The following MYO18A variants were observed in gnomAD, a reference collection of about 807,000 sequenced individuals.
MYO18A encodes myosin XVIIIA.
In MYO18A, 78 loss-of-function variants were observed where a neutral mutation model predicts 235.8. The observed-to-expected ratio is 0.33, with a 90% confidence interval of 0.28 to 0.40. The LOEUF is 0.40. Among genes scored for constraint, MYO18A ranks in the 10% least tolerant of loss-of-function variants. MYO18A has a pLI of 1.00. For synonymous variants in MYO18A, 977 were observed against 1,077.8 expected (o/e 0.91, Z 1.83); for missense variants, 2,215 against 2,699.3 (o/e 0.82, Z 3.98).
At position 29,158,397 on chromosome 17, in the gene MYO18A, C is replaced by T. The variant is rs1441738087; in HGVS notation, c.999+7545G>A. ...AAAATAAGCTTTGCTAACACTGTCC[C>T]CTGTATTTAACAGAACAGAAGCTGC... On this transcript the variant is annotated intron_variant, in intron 2 of 41. Transcript: ENST00000527372. This position sits in a 1 kb window ranked among gnomAD's most constrained non-coding sequence, Gnocchi z 4.3. 6.6e-6 allele frequency among the ~76,000 whole-genome samples: 1 copy of T among 152,204 alleles called. No homozygotes were observed. Among genetic ancestry groups the T allele is most frequent in the Non-Finnish European group, 1.5e-5 (1 of 68,044 alleles).
At chr17:29,105,734 G>A (rs1405064410) in intron 20 of MYO18A, among the ~76,000 whole-genome samples, 1 of 152,208 alleles carries the variant, frequency 6.6e-6, no homozygotes, top group African/African-American at 2.4e-5. Context: ...ATAGCAGACA[G>A]GAAGCCTGGA....
At chr17:29,145,344 C>G (rs1012041336) in intron 2 of MYO18A, among the ~76,000 whole-genome samples, 7 of 152,232 alleles carry the variant, frequency 4.6e-5, no homozygotes, top group African/African-American at 7.2e-5. Context: ...TTCAACTGCT[C>G]TGCTCTCCCA....
At chr17:29,153,646 G>A (rs1356754141) in intron 2 of MYO18A, among the ~76,000 whole-genome samples, 1 of 152,026 alleles carries the variant, frequency 6.6e-6, no homozygotes, top group Admixed American at 6.5e-5. Context: ...CTCACCTGTG[G>A]GTCCTTGCCT....
chr17:29,082,493 A>G, intron 40 of MYO18A, 55 bp from the exon 41 acceptor site: 1 of 1,570,446 alleles, frequency 6.4e-7, no homozygotes. Context: ...GCTGCCCACG[A>G]GGGGAGCAGA....
At chr17:29,161,000 T>C (rs2068160048) in intron 2 of MYO18A, among the ~76,000 whole-genome samples, 1 of 151,958 alleles carries the variant, frequency 6.6e-6, no homozygotes, top group South Asian at 2.1e-4. Context: ...GGTAGATAGC[T>C]TGAGCTCAGG....
chr17:29,158,164 C>T lies in MYO18A; in HGVS notation c.999+7778G>A, dbSNP rs1230517466. ...TGTCTACACTATGCACCATACTGAG[C>T]GCCACAGATAACACCCGGCGAACAC... On this transcript the variant is annotated intron_variant, in intron 2 of 41. Transcript: ENST00000527372. This position sits in a 1 kb window ranked among gnomAD's most constrained non-coding sequence, Gnocchi z 4.3. Among the ~76,000 whole-genome samples, 2 of 152,126 alleles carry T rather than the reference C, an allele frequency of 1.3e-5. No individual in the cohort carries two copies. The highest frequency in any genetic ancestry group is 2.9e-5 in the Non-Finnish European group (2 of 68,022).
chr17:29,107,961 C>T (rs921362132), intron 19 of MYO18A, among the ~76,000 whole-genome samples: 3 of 151,240 alleles, frequency 2.0e-5, no homozygotes, highest in Non-Finnish European at 4.4e-5. Flanking sequence ...TGAGAGGAAT[C>T]GCGCATTGGC....
intron 20 of MYO18A, among the ~76,000 whole-genome samples, chr17:29,104,324 C>T (rs1261246640): frequency 6.6e-6 from 1 of 152,146 alleles, no homozygotes; most frequent in Non-Finnish European, 1.5e-5. Context: ...GGAGAACACG[C>T]AGCAGGTGTT....
In MYO18A at chr17:29,121,956, G is replaced by A; in HGVS notation, c.1089C>T (p.Ala363=). The A allele has an allele frequency of 6.2e-7, 1 of 1,613,748 alleles. No homozygotes were observed. The highest frequency in any genetic ancestry group is 8.5e-7 in the Non-Finnish European group (1 of 1,179,806). The change falls in exon 4 of 42, where the codon GCC becomes GCT. Residue 363 remains alanine (A), a splice_region_variant and synonymous_variant. Coordinates refer to ENST00000527372, the MANE Select transcript of MYO18A (RefSeq NM_078471.4). The surrounding 1 kb of genome is among the most constrained non-coding windows in gnomAD (Gnocchi z 4.2). ...WLVHRDGFSL[A]SQLKSEELNL... The stretch of plus-strand genomic sequence containing the variant: ...TGAGCTCCTCAGATTTGAGTTGACT[G>A]GCTGCAGGGGAGGGACAGACAGCTG...
In MYO18A at chr17:29,176,055, C is replaced by T. The variant is rs551783861; in HGVS notation, c.-82+4258G>A. The stretch of plus-strand genomic sequence containing the variant: ...CCTGGGTGACAGAGCGAGACTCCTT[C>T]TCAAAAAAAACAGCAGTCTGGAAAA... On this transcript the variant is annotated intron_variant, in intron 1 of 41. Coordinates refer to ENST00000527372, the MANE Select transcript of MYO18A (RefSeq NM_078471.4). Among the ~76,000 whole-genome samples, 3 of 152,108 alleles carry T rather than the reference C, an allele frequency of 2.0e-5. 1 individual carries two copies. The South Asian group carries it at 6.2e-4, about 32-fold the overall frequency.
chr17:29,145,474 GTTCACTTA>G (rs1298651400), intron 2 of MYO18A, among the ~76,000 whole-genome samples: 1 of 152,180 alleles, frequency 6.6e-6, no homozygotes, highest in East Asian at 1.9e-4. Flanking sequence ...GGAGGAAGTC[GTTCACTTA>G]TTCAACTAGC....
Position 29,074,308 on chromosome 17 carries a change from G to T in MYO18A, c.*462C>A. ...ATTTAAATTAAAAAGTAGAAAGACAGCAGGCACCAAGAAGAGAGAGCCCCC... is the reference window on the plus strand; with the variant it reads ...ATTTAAATTAAAAAGTAGAAAGACATCAGGCACCAAGAAGAGAGAGCCCCC... On this transcript the variant is annotated 3_prime_UTR_variant, in exon 42 of 42. Transcript: ENST00000527372. This position sits in a 1 kb window ranked among gnomAD's most constrained non-coding sequence, Gnocchi z 4.4. The T allele has an allele frequency of 9.7e-7, 1 of 1,035,654 alleles. No homozygotes were observed. The highest frequency in any genetic ancestry group is 1.4e-6 in the Non-Finnish European group (1 of 721,396). The allele number at this position is 1,035,654 out of a possible 1,614,324, so 64.2% of individuals were successfully genotyped here. A position where few individuals can be genotyped will look rare whatever the true frequency, so the allele number is the denominator to read the frequency against.
rs185972688 is a variant in MYO18A, at chr17:29,099,781, G to C, written c.3508-19C>G. 2.0e-4 allele frequency: 318 copies of C among 1,608,894 alleles called. 1 individual carries two copies. In the African/African-American group the frequency reaches 3.7e-3, roughly 19 times the overall value. ...AGAACACCTGTGAAAAAGCAGGCCA[G>C]GTGAAGGCAGGATACTGGGCCAGCC... On this transcript the variant is annotated intron_variant, in intron 21 of 41. Coordinates refer to ENST00000527372, the MANE Select transcript of MYO18A (RefSeq NM_078471.4).
chr17:29,082,552 C>T (rs1348890570), intron 40 of MYO18A, 114 bp from the exon 41 acceptor site: 24 of 1,093,338 alleles, frequency 2.2e-5, no homozygotes, highest in Middle Eastern at 2.9e-4. Flanking sequence ...GCAGCATGCA[C>T]GTCGGTGAGT....
intron 15 of MYO18A, 63 bp downstream of exon 15, chr17:29,113,948 C>G: frequency 1.5e-6 from 2 of 1,371,892 alleles, no homozygotes; most frequent in South Asian, 1.2e-5. Context: ...GAGGGCTCCA[C>G]CACGGGGAGA....
chr17:29,096,454 T>C (rs1193369218), intron 28 of MYO18A, among the ~76,000 whole-genome samples: 4 of 152,138 alleles, frequency 2.6e-5, no homozygotes, highest in Non-Finnish European at 5.9e-5. Context: ...GGCAGGGACA[T>C]AGAGGTTCCT....
At chr17:29,119,499 C>T in intron 7 of MYO18A, 64 bp from the exon 8 acceptor site, 1 of 1,226,234 alleles carries the variant, frequency 8.2e-7, no homozygotes, top group East Asian at 2.6e-5. Flanking sequence ...TCCCACCCCA[C>T]ATAAGAAGGA....
At position 29,166,212 on chromosome 17, in the gene MYO18A, C is replaced by T. The variant is rs2070000664; in HGVS notation, c.729G>A (p.Arg243=). ...GCCGACAGGCCTGGCCCTCGGGGCCCCGATCCAGCATGGTTGTGCGCCGCA... is the reference window on the plus strand; with the variant it reads ...GCCGACAGGCCTGGCCCTCGGGGCCTCGATCCAGCATGGTTGTGCGCCGCA... ...FSLRRTTMLD[R]GPEGQACRRV... is the part of the protein sequence containing the mutation. The change falls in exon 2 of 42, where the codon CGG becomes CGA. Residue 243 remains arginine, a synonymous_variant. Coordinates refer to ENST00000527372, the MANE Select transcript of MYO18A (RefSeq NM_078471.4). The T allele has an allele frequency of 1.2e-6, 2 of 1,612,766 alleles. No homozygotes were observed. The highest frequency in any genetic ancestry group is 1.3e-5 in the African/African-American group (1 of 74,950).
chr17:29,146,572 T>C (rs756693773), intron 2 of MYO18A, among the ~76,000 whole-genome samples: 17 of 152,228 alleles, frequency 1.1e-4, no homozygotes, highest in Non-Finnish European at 2.2e-4. Flanking sequence ...CCTCAGGCTA[T>C]AGGTTCATGG....
Sources: allele counts gnomAD v4.1 joint callset (sites outside exome capture counted in the v4.1 genomes callset), GRCh38; gene constraint gnomAD v4.1.1; non-coding constraint Gnocchi (gnomAD v3.1); transcripts MANE v1.5; gene names NCBI Gene and HGNC (gene_info 2026-07-23, HGNC 2026-07-21).